The following CAMK1D variants were observed in gnomAD, a reference collection of about 807,000 sequenced individuals.
CAMK1D encodes the protein calcium/calmodulin-dependent protein kinase type 1D.
Under a neutral mutation model 47.7 loss-of-function variants are expected in CAMK1D, and 9 were observed. The observed-to-expected ratio is 0.19, with a 90% CI of 0.11 to 0.33. CAMK1D has a LOEUF of 0.33. Ranked by LOEUF, CAMK1D falls within the 10% of genes least tolerant of loss-of-function variation. CAMK1D has a pLI of 1.00. For synonymous variants in CAMK1D, 184 were observed against 184.9 expected, an observed-to-expected ratio of 0.99 and a Z score of 0.04; for missense variants, 291 against 488.7, an observed-to-expected ratio of 0.60 and a Z score of 3.81.
rs1294912661 is a variant in CAMK1D, at chr10:12,645,540, T to G, written c.225-21196T>G. ...CTGGGTCTCAGCCCTGCCGTTTGCC[T>G]GCTCTCCACAGCTTCCGTGACATAA... On this transcript the variant is annotated intron_variant, in intron 2 of 10. Coordinates refer to ENST00000619168, the MANE Select transcript of CAMK1D (RefSeq NM_153498.4). Among the ~76,000 whole-genome samples, 3 of 152,216 alleles carry G rather than the reference T, an allele frequency of 2.0e-5. No homozygotes were observed. In the East Asian group the frequency reaches 5.8e-4, roughly 29 times the overall value.
At chr10:12,491,685 A>G (rs1336735409) in intron 1 of CAMK1D, among the ~76,000 whole-genome samples, 1 of 152,148 alleles carries the variant, frequency 6.6e-6, no homozygotes, top group Non-Finnish European at 1.5e-5. Flanking sequence ...CATTTCCCGC[A>G]GAGTCTGGCA....
At position 12,802,688 on chromosome 10, in the gene CAMK1D, T is replaced by C. The variant is rs374635230; in HGVS notation, c.641+11455T>C. ...GCTGTGTGCCACCACGCCTGGCCAA[T>C]TTTTTGTATTTTTAGTAGAGATGGG... is the stretch of plus-strand genomic sequence containing the variant. On this transcript the variant is annotated intron_variant, in intron 6 of 10. Transcript: ENST00000619168. Among the ~76,000 whole-genome samples the C allele has an allele frequency of 6.5e-3, 990 of 152,136 alleles. 3 individuals carry two copies. Among genetic ancestry groups the C allele is most frequent in the Non-Finnish European group, 0.011 (741 of 67,962 alleles).
At position 12,495,612 on chromosome 10, in the gene CAMK1D, C is replaced by T. The variant is rs553319718; in HGVS notation, c.93-57613C>T. Among the ~76,000 whole-genome samples the T allele has an allele frequency of 5.9e-5, 9 of 152,196 alleles. 1 individual carries two copies. In the East Asian group the frequency reaches 7.7e-4, roughly 13 times the overall value. ...GTTTGTGTATTGCTCATTTAGCTTT[C>T]GACGTCCTTTGGAAAGTTGAGGAAT... On this transcript the variant is annotated intron_variant, in intron 1 of 10. Transcript: ENST00000619168.
intron 2 of CAMK1D, among the ~76,000 whole-genome samples, chr10:12,556,023 AGTT>A (rs905689564): frequency 7.9e-4 from 120 of 152,288 alleles, no homozygotes; most frequent in African/African-American, 2.7e-3. Flanking sequence ...TTGTTTTGAT[AGTT>A]GTTCAGTATC....
At chr10:12,674,024 C>T (rs1019963073) in intron 3 of CAMK1D, among the ~76,000 whole-genome samples, 1 of 152,158 alleles carries the variant, frequency 6.6e-6, no homozygotes, top group African/African-American at 2.4e-5. Context: ...TATATCACTG[C>T]AGCCTCCAAC....
At chr10:12,707,944 A>G (rs1833790106) in intron 3 of CAMK1D, among the ~76,000 whole-genome samples, 1 of 152,192 alleles carries the variant, frequency 6.6e-6, no homozygotes, top group African/African-American at 2.4e-5. Context: ...GGAGATACTC[A>G]GTAAATGGGA....
At chr10:12,360,259 T>A (rs1331364178) in intron 1 of CAMK1D, among the ~76,000 whole-genome samples, 3 of 152,224 alleles carry the variant, frequency 2.0e-5, no homozygotes, top group African/African-American at 7.2e-5. Flanking sequence ...TCGTATTAAA[T>A]AAAACCTCAG....
chr10:12,829,282 T>C lies in CAMK1D; in HGVS notation c.*395T>C, dbSNP rs1010297435. ...TGGATTATTTAAATATTGGTAAATA[T>C]TGTGCATTAGGGTTTGTTTTTCCTT... is the stretch of plus-strand genomic sequence containing the variant. On this transcript the variant is annotated 3_prime_UTR_variant, in exon 11 of 11. Transcript: ENST00000619168. The C allele has an allele frequency of 1.3e-5, 2 of 159,376 alleles. No homozygotes were observed. The highest frequency in any genetic ancestry group is 4.8e-5 in the African/African-American group (2 of 41,684). 9.9% of individuals were successfully genotyped at this position (159,376 alleles called of 1,614,324 possible).
intron 10 of CAMK1D, among the ~76,000 whole-genome samples, chr10:12,826,597 A>G (rs1360966990): frequency 6.6e-6 from 1 of 152,158 alleles, no homozygotes; most frequent in African/African-American, 2.4e-5. Flanking sequence ...ACATCAGAGC[A>G]GTGGCCCTAA....
At chr10:12,697,264 T>TA (rs1290441243) in intron 3 of CAMK1D, among the ~76,000 whole-genome samples, 3 of 152,218 alleles carry the variant, frequency 2.0e-5, no homozygotes, top group Non-Finnish European at 2.9e-5. Context: ...ATGGATTCTC[T>TA]AGGGACCAGA....
intron 2 of CAMK1D, among the ~76,000 whole-genome samples, chr10:12,571,831 G>A (rs1837337750): frequency 6.6e-6 from 1 of 151,998 alleles, no homozygotes; most frequent in South Asian, 2.1e-4. Flanking sequence ...TCTTTTTAGG[G>A]GCATCAAATT....
intron 10 of CAMK1D, among the ~76,000 whole-genome samples, chr10:12,826,344 A>G (rs1036831252): frequency 1.1e-4 from 16 of 152,218 alleles, no homozygotes; most frequent in African/African-American, 3.9e-4. Context: ...GCAGAGCCTC[A>G]GGACAGCCTC....
chr10:12,434,531 G>C (rs1247169200), intron 1 of CAMK1D, among the ~76,000 whole-genome samples: 1 of 152,192 alleles, frequency 6.6e-6, no homozygotes, highest in Non-Finnish European at 1.5e-5. Flanking sequence ...GTTTGTGCAA[G>C]CTGTGAGCTC....
intron 1 of CAMK1D, among the ~76,000 whole-genome samples, chr10:12,361,802 C>T (rs975557588): frequency 1.3e-5 from 2 of 150,868 alleles, no homozygotes; most frequent in African/African-American, 2.4e-5. Flanking sequence ...ATGACCCACC[C>T]GTCTTGGCCT....
rs563830725 is a variant in CAMK1D at position 12,419,091 on chromosome 10, G to A, written c.92+69181G>A. On this transcript the variant is annotated intron_variant, in intron 1 of 10. Coordinates refer to ENST00000619168, the MANE Select transcript of CAMK1D (RefSeq NM_153498.4). ...CGGAAAGGTGTCTGAGAGGTCATCC[G>A]TTTCAAACTTCATCATCTCAAATGA... Among the ~76,000 whole-genome samples, 18 of 152,244 alleles carry A rather than the reference G, an allele frequency of 1.2e-4. No homozygotes were observed. In the East Asian group the frequency reaches 3.1e-3, roughly 26 times the overall value.
At chr10:12,639,846 A>T (rs569410651) in intron 2 of CAMK1D, among the ~76,000 whole-genome samples, 20 of 152,054 alleles carry the variant, frequency 1.3e-4, no homozygotes, top group South Asian at 2.1e-4. Flanking sequence ...ATATATATAT[A>T]TTTTTTGTTT....
At chr10:12,586,283 G>A (rs564447903) in intron 2 of CAMK1D, among the ~76,000 whole-genome samples, 6 of 151,926 alleles carry the variant, frequency 3.9e-5, no homozygotes, top group African/African-American at 1.4e-4. Context: ...AAAGAAAGTC[G>A]ATTCCAGTCC....
intron 1 of CAMK1D, among the ~76,000 whole-genome samples, chr10:12,505,789 G>T (rs1362704330): frequency 6.6e-6 from 1 of 152,128 alleles, no homozygotes; most frequent in Non-Finnish European, 1.5e-5. Context: ...ATGCTCTAGC[G>T]TGTACCAGAT....
chr10:12,698,214 G>C (rs183194356), intron 3 of CAMK1D, among the ~76,000 whole-genome samples: 2 of 152,156 alleles, frequency 1.3e-5, no homozygotes, highest in African/African-American at 4.8e-5. Flanking sequence ...GATGTCACTT[G>C]ATGCAAAATA....
Sources: gnomAD v4.1 joint callset for allele counts (sites outside exome capture counted in the v4.1 genomes callset) on GRCh38, gnomAD v4.1.1 for gene constraint, MANE v1.5 for transcripts, NCBI Gene and HGNC (gene_info 2026-07-23, HGNC 2026-07-21) for gene names.